Variants in FYB1 observed in about 807,000 individuals in gnomAD.
The protein encoded by FYB1 is FYN binding protein 1, also known as FYN-binding protein 1.
A neutral mutation model predicts 94.1 loss-of-function variants in FYB1; 41 were observed. That is an observed-to-expected ratio of 0.44 (90% CI 0.34 to 0.57). The LOEUF (loss-of-function observed/expected upper bound fraction) is 0.57. FYB1 is among the 20% of genes least tolerant of loss of function. FYB1 has a pLI of 0.02. For missense variants in FYB1, 1,050 were observed against 976.8 expected (o/e 1.07, Z -1.00); for synonymous variants, 367 against 353.2 (o/e 1.04, Z -0.44).
chr5:39,168,691 A>G (rs1188438715), intron 2 of FYB1, among the ~76,000 whole-genome samples: 3 of 152,218 alleles, frequency 2.0e-5, no homozygotes, highest in Non-Finnish European at 4.4e-5. Context: ...TTAAGTTAAA[A>G]ACCGTAGTCA....
chr5:39,253,997 G>A (rs140223373), intron 1 of FYB1, among the ~76,000 whole-genome samples: 125 of 152,158 alleles, frequency 8.2e-4, no homozygotes, highest in Admixed American at 4.2e-3. Flanking sequence ...TTCCATCCAC[G>A]TCCCATCCAT....
chr5:39,127,914 T>G, intron 10 of FYB1, 107 bp from the exon 11 acceptor site: 1 of 1,008,244 alleles, frequency 9.9e-7, no homozygotes, highest in Non-Finnish European at 1.4e-6. Flanking sequence ...CAGAGAGCAT[T>G]TCACTTTCAT....
intron 1 of FYB1, among the ~76,000 whole-genome samples, chr5:39,256,359 G>C (rs1262511838): frequency 6.6e-6 from 1 of 152,156 alleles, no homozygotes; most frequent in South Asian, 2.1e-4. Flanking sequence ...TAAAAAGAAG[G>C]ACTTACCGTG....
chr5:39,134,663 G>A (rs1049799421), intron 8 of FYB1, among the ~76,000 whole-genome samples, 192 bp downstream of exon 8: 10 of 152,078 alleles, frequency 6.6e-5, no homozygotes, highest in South Asian at 6.2e-4. Flanking sequence ...AAAACTGTAC[G>A]TTGTTTCCCA....
At chr5:39,233,574 C>A (rs1252666183) in intron 1 of FYB1, among the ~76,000 whole-genome samples, 1 of 152,010 alleles carries the variant, frequency 6.6e-6, no homozygotes, top group Non-Finnish European at 1.5e-5. Context: ...AACAATAAAT[C>A]ATTACATATT....
chr5:39,231,882 T>C (rs752481421), intron 1 of FYB1, among the ~76,000 whole-genome samples: 1 of 152,242 alleles, frequency 6.6e-6, no homozygotes, highest in South Asian at 2.1e-4. Context: ...TTGTGGATGA[T>C]GCCTTTGAAG....
chr5:39,220,470 A>C (rs1750192154), upstream of FYB1, among the ~76,000 whole-genome samples: 1 of 151,736 alleles, frequency 6.6e-6, no homozygotes, highest in Non-Finnish European at 1.5e-5. Context: ...GGAAAGAAAG[A>C]AAGAAACTCA....
chr5:39,245,369 A>G (rs969615597), intron 1 of FYB1, among the ~76,000 whole-genome samples: 11 of 152,184 alleles, frequency 7.2e-5, no homozygotes, highest in Non-Finnish European at 1.5e-4. Context: ...AATAGAGAAT[A>G]TAACTGATTA....
At chr5:39,150,862 C>G (rs2562612) in intron 3 of FYB1, among the ~76,000 whole-genome samples, 5,249 of 152,250 alleles carry the variant, frequency 0.034, 292 homozygotes, top group African/African-American at 0.12. Flanking sequence ...CCTACTGTCT[C>G]TTCTCAGCAT....
chr5:39,177,932 A>T (rs1411890934), intron 2 of FYB1, among the ~76,000 whole-genome samples: 5 of 152,232 alleles, frequency 3.3e-5, no homozygotes, highest in Non-Finnish European at 7.3e-5. Context: ...ATTTAGAACA[A>T]TGACTTTAAG....
rs183544176 is a variant in FYB1 at position 39,272,307 on chromosome 5, G to C, written c.-28+2096C>G. On this transcript the variant is annotated intron_variant, in intron 1 of 1. Coordinates refer to the FYB1 transcript ENST00000510188. Reference sequence around the variant, plus strand: ...GCCAGCCTTGTGGGTAGAAATAATCGTGACACTCTGACACTGTTCTCTACT... The same window carrying C: ...GCCAGCCTTGTGGGTAGAAATAATCCTGACACTCTGACACTGTTCTCTACT... Among the ~76,000 whole-genome samples, 326 of 152,198 alleles carry C rather than the reference G, an allele frequency of 2.1e-3. 2 individuals carry two copies. Among genetic ancestry groups the C allele is most frequent in the Non-Finnish European group, 3.9e-3 (265 of 68,020 alleles).
chr5:39,270,486 A>T, intron 1 of FYB1: 1 of 1,324,422 alleles, frequency 7.6e-7, no homozygotes, highest in Non-Finnish European at 1.0e-6. Context: ...ACTGTGAAGC[A>T]CCCTCAACTC....
intron 1 of FYB1, among the ~76,000 whole-genome samples, chr5:39,258,058 G>A (rs957123465): frequency 6.6e-6 from 1 of 152,144 alleles, no homozygotes; most frequent in African/African-American, 2.4e-5. Context: ...TTATTTAGCA[G>A]GTATTGGGTG....
upstream of FYB1, chr5:39,219,665 A>T: frequency 1.1e-6 from 1 of 902,288 alleles, no homozygotes; most frequent in African/African-American, 1.8e-5. Context: ...AAGTTCTATT[A>T]TGCCCTCAGG....
At position 39,202,206 on chromosome 5, in the gene FYB1, C is replaced by G. The variant is rs767285287; in HGVS notation, c.755G>C (p.Gly252Ala). Residue 252 changes from glycine (G) to alanine (A), a missense_variant, in exon 2 of 19, where the codon GGG (glycine) becomes GCG (alanine). Gly to Ala is a moderately conservative substitution (Grantham distance 60, BLOSUM62 0). Transcript: ENST00000512982. ...REDSENKDHAGEISSLPFPGV... is the reference protein window; with the variant it reads ...REDSENKDHAAEISSLPFPGV... ...AGGAAAGGGCAAACTTGAAATCTCC[C>G]CTGCATGGTCTTTATTTTCTGAGTC... 3.7e-6 allele frequency: 6 copies of G among 1,614,000 alleles called. No individual in the cohort carries two copies. Among genetic ancestry groups the G allele is most frequent in the Non-Finnish European group, 4.2e-6 (5 of 1,179,898 alleles).
rs1750018529 is a variant in FYB1 at position 39,218,091 on chromosome 5, A to T, written c.-28+1352T>A. On this transcript the variant is annotated intron_variant, in intron 1 of 18. Transcript: ENST00000512982. Reference sequence around the variant, plus strand: ...GAAGCTGGGGGGAATTTGAAGCCCAATGGTAGTAAACAAATAATGGACATG... The same window carrying T: ...GAAGCTGGGGGGAATTTGAAGCCCATTGGTAGTAAACAAATAATGGACATG... Among the ~76,000 whole-genome samples, 3 of 152,346 alleles carry T rather than the reference A, an allele frequency of 2.0e-5. No homozygotes were observed. In the South Asian group the frequency reaches 6.2e-4, roughly 32 times the overall value.
intron 16 of FYB1, 44 bp from the exon 17 acceptor site, chr5:39,110,433 GA>G: frequency 1.5e-6 from 2 of 1,311,912 alleles, no homozygotes; most frequent in Non-Finnish European, 2.2e-6. Context: ...AATACAGGTT[GA>G]AAAATCTTTA....
At chr5:39,113,907 T>C (rs1739297098) in intron 16 of FYB1, among the ~76,000 whole-genome samples, 1 of 152,038 alleles carries the variant, frequency 6.6e-6, no homozygotes, top group Non-Finnish European at 1.5e-5. Flanking sequence ...ATTATCCTAG[T>C]TTTATAAAAA....
At position 39,139,236 on chromosome 5, in the gene FYB1, A is replaced by C; in HGVS notation, c.1356T>G (p.Asp452Glu). The C allele has an allele frequency of 6.8e-7, 1 of 1,464,676 alleles. No homozygotes were observed. The allele number at this position is 1,464,676 out of a possible 1,614,324, so 90.7% of individuals were successfully genotyped here. A position where few individuals can be genotyped will look rare whatever the true frequency, so the allele number is the denominator to read the frequency against. Residue 452 changes from aspartate to glutamate, a missense_variant, in exon 5 of 19, where the codon GAT becomes GAG. Asp to Glu is a conservative substitution (Grantham distance 45). Transcript: ENST00000512982. ...TGAGAAGAGAAAAAAATCTGACCTC[A>C]TCTAGATTTCCAGCACCTAAAAGAT... ...VTHSDGAGNL[D>E]EEQDSEGETY...
Sources: gnomAD v4.1 joint callset for allele counts (sites outside exome capture counted in the v4.1 genomes callset) on GRCh38, gnomAD v4.1.1 for gene constraint, MANE v1.5 for transcripts, NCBI Gene and HGNC (gene_info 2026-07-23, HGNC 2026-07-21) for gene names.